The following NOTCH4 variants were observed in gnomAD, a reference collection of about 807,000 sequenced individuals.
NOTCH4 encodes neurogenic locus notch homolog protein 4.
NOTCH4 carries 138 observed loss-of-function variants against 189.0 expected under a neutral mutation model. That is an observed-to-expected ratio of 0.73 (90% confidence interval 0.64 to 0.84). The LOEUF (loss-of-function observed/expected upper bound fraction) is 0.84. Ranked by LOEUF, NOTCH4 falls within the 40% of genes least tolerant of loss-of-function variation. NOTCH4 has a pLI of 0.00. For synonymous variants in NOTCH4, 942 were observed against 1,032.8 expected (o/e 0.91, Z 1.69); for missense variants, 2,286 against 2,605.4 (o/e 0.88, Z 2.67).
At position 32,204,396 on chromosome 6, in the gene NOTCH4, A is replaced by G; in HGVS notation, c.2866-7T>C. ...CATCGTAGCCTGGGGCACACTGCAG[A>G]CAAAGAGGATTAGACAGGGAACCAG... is the stretch of plus-strand genomic sequence containing the variant. On this transcript the variant is annotated splice_polypyrimidine_tract_variant and splice_region_variant and intron_variant, in intron 18 of 29. Transcript: ENST00000375023. 6.2e-7 allele frequency: 1 copy of G among 1,612,372 alleles called. No individual in the cohort carries two copies. The highest frequency in any genetic ancestry group is 8.5e-7 in the Non-Finnish European group (1 of 1,179,486).
chr6:32,219,078 G>A (rs941591673), intron 8 of NOTCH4, among the ~76,000 whole-genome samples: 2 of 152,134 alleles, frequency 1.3e-5, no homozygotes, highest in Non-Finnish European at 1.5e-5. Context: ...TCCCTGGGGC[G>A]ACTTTTCCCC....
rs535575989 is a variant in NOTCH4 at position 32,199,062 on chromosome 6, C to T, written c.4399G>A (p.Val1467Ile). 25 of 1,612,778 alleles carry T rather than the reference C, an allele frequency of 1.6e-5. No homozygotes were observed. In the African/African-American group the frequency reaches 1.7e-4, roughly 11 times the overall value. The change falls in exon 24 of 30, where the codon GTC becomes ATC. Residue 1467 changes from valine (V) to isoleucine (I), a missense_variant. Physicochemically the swap from Val to Ile is conservative, Grantham distance 29 (BLOSUM62 3). This residue lies in a region of NOTCH4 where 1,903 missense variants were observed against 2,261.9 expected (regional missense o/e 0.84). Transcript: ENST00000375023. The surrounding 1 kb of genome is among the most constrained non-coding windows in gnomAD (Gnocchi z 4.9). ...CGTCGACGCCGGATGAGCTGGAGGA[C>T]GAGAAGAGCCCCTAGGGCCAGGAGA... ...VILLALGALL[V>I]LQLIRRRRRE...
rs1789779212 is a variant in NOTCH4 at position 32,221,492 on chromosome 6, G to A, written c.452-167C>T. Among the ~76,000 whole-genome samples, 1 of 152,180 alleles carries A rather than the reference G, an allele frequency of 6.6e-6. No individual in the cohort carries two copies. Among genetic ancestry groups the A allele is most frequent in the African/African-American group, 2.4e-5 (1 of 41,426 alleles). ...TTCCATCACCCCTGCTCTGAGCGATGTCATGGCTTGGGAGGGTTTATCTGG... is the reference window on the plus strand; with the variant it reads ...TTCCATCACCCCTGCTCTGAGCGATATCATGGCTTGGGAGGGTTTATCTGG... On this transcript the variant is annotated intron_variant, in intron 3 of 29. Transcript: ENST00000375023. This position sits in a 1 kb window ranked among gnomAD's most constrained non-coding sequence, Gnocchi z 4.3.
Position 32,220,576 on chromosome 6 carries a change from C to A in NOTCH4, c.988G>T (p.Gly330Cys), listed in dbSNP as rs2127487704. The A allele has an allele frequency of 1.9e-6, 3 of 1,614,010 alleles. No individual in the cohort carries two copies. Among genetic ancestry groups the A allele is most frequent in the Non-Finnish European group, 1.7e-6 (2 of 1,180,018 alleles). ...TQGPPHCRNG[G>C]TCQNSAGSFH... ...CTACCAGCAGAGTTCTGGCAGGTGC[C>A]CCCGTTTCTGCAGTGAGGGGGACCC... The change falls in exon 6 of 30, where the codon GGC becomes TGC. Residue 330 changes from glycine (G) to cysteine (C), a missense_variant. Gly to Cys is a radical substitution (Grantham distance 159). Coordinates refer to ENST00000375023, the MANE Select transcript of NOTCH4 (RefSeq NM_004557.4).
At position 32,221,305 on chromosome 6, in the gene NOTCH4, C is replaced by T. The variant is rs770196198; in HGVS notation, c.472G>A (p.Asp158Asn). 20 of 1,612,378 alleles carry T rather than the reference C, an allele frequency of 1.2e-5. No individual in the cohort carries two copies. In the South Asian group the frequency reaches 2.0e-4, roughly 16 times the overall value. The change falls in exon 4 of 30, where the codon GAC (aspartate) becomes AAC (asparagine). Residue 158 changes from aspartate (D) to asparagine (N), a missense_variant. This residue lies in a region of NOTCH4 where 1,903 missense variants were observed against 2,261.9 expected (regional missense o/e 0.84). Transcript: ENST00000375023. The surrounding 1 kb of genome is among the most constrained non-coding windows in gnomAD (Gnocchi z 4.3). ...GWTGEQCQLR[D>N]FCSANPCVNG... is the part of the protein sequence containing the mutation. ...ACACATGGGTTGGCTGAACAGAAGT[C>T]CCGAAGCTGGCACTGCTCACCTGAG...
At position 32,217,251 on chromosome 6, in the gene NOTCH4, C is replaced by T. The variant is rs140082058; in HGVS notation, c.1640G>A (p.Arg547Gln). 10 of 1,612,474 alleles carry T rather than the reference C, an allele frequency of 6.2e-6. No individual in the cohort carries two copies. The highest frequency in any genetic ancestry group is 1.6e-4 in the Middle Eastern group (1 of 6,068). Residue 547 changes from arginine (R) to glutamine (Q), a missense_variant, in exon 10 of 30, where the codon CGA (arginine) becomes CAA (glutamine). Arg to Gln is a conservative substitution (Grantham distance 43, BLOSUM62 1). This residue lies in a region of NOTCH4 where 1,903 missense variants were observed against 2,261.9 expected (regional missense o/e 0.84). Coordinates refer to ENST00000375023, the MANE Select transcript of NOTCH4 (RefSeq NM_004557.4). The surrounding 1 kb of genome is among the most constrained non-coding windows in gnomAD (Gnocchi z 4.2). ...CICLPGFSGT[R>Q]CEEDIDECRS... ...GCACTCATCGATATCCTCCTCACAT[C>T]GGGTGCCGGAGAATCCTGGTGGGGC...
rs202036052 is a variant in NOTCH4, at chr6:32,200,171, A to G, written c.4315+660T>C. On this transcript the variant is annotated intron_variant, in intron 23 of 29. Transcript: ENST00000375023. The surrounding 1 kb of genome is among the most constrained non-coding windows in gnomAD (Gnocchi z 5.0). ...AGGATTAAATGAGGTAACAATGTAA[A>G]ATGCTTAGAGTAAGGCACAAAGTAC... Among the ~76,000 whole-genome samples the G allele has an allele frequency of 1.3e-5, 2 of 152,224 alleles. No individual in the cohort carries two copies. Among genetic ancestry groups the G allele is most frequent in the East Asian group, 3.9e-4 (2 of 5,192 alleles).
At chr6:32,208,513 A>T (rs1788831629) in intron 18 of NOTCH4, among the ~76,000 whole-genome samples, 1 of 152,194 alleles carries the variant, frequency 6.6e-6, no homozygotes, top group Non-Finnish European at 1.5e-5. Context: ...CGGGAAGATC[A>T]TTTGAGGTCA....
At chr6:32,196,497 C>A in intron 28 of NOTCH4, 76 bp from the exon 29 acceptor site, 2 of 1,560,774 alleles carry the variant, frequency 1.3e-6, no homozygotes, top group Admixed American at 1.8e-5. Context: ...CGGGTTCTGG[C>A]CTTGGGGGAA....
Position 32,223,877 on chromosome 6 carries a change from C to T in NOTCH4, c.52G>A (p.Val18Ile). 1 of 1,585,308 alleles carries T rather than the reference C, an allele frequency of 6.3e-7. No homozygotes were observed. Among genetic ancestry groups the T allele is most frequent in the Non-Finnish European group, 8.5e-7 (1 of 1,172,066 alleles). ...TCACCTCTGGGTCTGACCACTGAGA[C>T]ACATAGCAGCAGCAGCAGCAGCAGC... Reference protein sequence around the residue: ...LLLLLLLLLCVSVVRPRGLLC... With the variant: ...LLLLLLLLLCISVVRPRGLLC... Residue 18 changes from valine (V) to isoleucine (I), a missense_variant, in exon 1 of 30, where the codon GTC becomes ATC. Physicochemically the swap from Val to Ile is conservative, Grantham distance 29 (BLOSUM62 3). Coordinates refer to ENST00000375023, the MANE Select transcript of NOTCH4 (RefSeq NM_004557.4).
chr6:32,205,547 C>CAAA (rs9281672), intron 18 of NOTCH4, among the ~76,000 whole-genome samples: 1,954 of 51,918 alleles, frequency 0.038, 308 homozygotes, highest in East Asian at 0.097. Flanking sequence ...GATGCTGTCT[C>CAAA]AAAAAAAAAA....
intron 8 of NOTCH4, 59 bp from the exon 9 acceptor site, chr6:32,218,167 G>A: frequency 8.8e-7 from 1 of 1,140,328 alleles, no homozygotes; most frequent in Non-Finnish European, 1.3e-6. Flanking sequence ...GGAGACCTGT[G>A]TTCTAGAATC....
rs144043459 is a variant in NOTCH4, at chr6:32,220,233, T to C, written c.1211A>G (p.Asp404Gly). The C allele has an allele frequency of 2.5e-6, 4 of 1,613,496 alleles. No individual in the cohort carries two copies. Among genetic ancestry groups the C allele is most frequent in the Non-Finnish European group, 3.4e-6 (4 of 1,179,836 alleles). Residue 404 changes from aspartate to glycine, a missense_variant, in exon 7 of 30, where the codon GAT becomes GGT. Physicochemically the swap from Asp to Gly is moderately conservative, Grantham distance 94. Coordinates refer to ENST00000375023, the MANE Select transcript of NOTCH4 (RefSeq NM_004557.4). Reference sequence around the variant, plus strand: ...GAGGGGGTTGGTGCTGCATTGGGCATCCCCATGGCACGGCTGGCTCAGACA... The same window carrying C: ...GAGGGGGTTGGTGCTGCATTGGGCACCCCCATGGCACGGCTGGCTCAGACA... ...DMCLSQPCHG[D>G]AQCSTNPLTG...
In NOTCH4 at chr6:32,220,177, C is replaced by G; in HGVS notation, c.1267G>C (p.Gly423Arg). Residue 423 changes from glycine to arginine, a missense_variant, in exon 7 of 30, where the codon GGC becomes CGC. Around this residue, in one of 2 missense-constraint regions of NOTCH4, gnomAD observed 1,903 missense variants for 2,261.9 expected, o/e 0.84. Coordinates refer to ENST00000375023, the MANE Select transcript of NOTCH4 (RefSeq NM_004557.4). ...TGSTLCLCQP[G>R]YSGPTCHQDL... ...TGGTGGCAGGTGGGCCCCGAATAGC[C>G]AGGCTGACACAGGCAGAGTGTGGAG... 1 of 1,613,894 alleles carries G rather than the reference C, an allele frequency of 6.2e-7. No homozygotes were observed. Among genetic ancestry groups the G allele is most frequent in the Admixed American group, 1.7e-5 (1 of 59,964 alleles).
chr6:32,222,001 T>C (rs1789808077), intron 3 of NOTCH4, among the ~76,000 whole-genome samples: 1 of 152,120 alleles, frequency 6.6e-6, no homozygotes, highest in Admixed American at 6.5e-5. Context: ...GCCCCTAGAA[T>C]GAAGCACTAA....
At position 32,195,275 on chromosome 6, in the gene NOTCH4, C is replaced by T. The variant is rs766307189; in HGVS notation, c.*162G>A. 6 of 674,494 alleles carry T rather than the reference C, an allele frequency of 8.9e-6. No homozygotes were observed. Among genetic ancestry groups the T allele is most frequent in the Non-Finnish European group, 1.5e-5 (6 of 413,586 alleles). 41.8% of individuals were successfully genotyped at this position (674,494 alleles called of 1,614,324 possible). A position where few individuals can be genotyped will look rare whatever the true frequency, so the allele number is the denominator to read the frequency against. On this transcript the variant is annotated 3_prime_UTR_variant, in exon 30 of 30. Transcript: ENST00000375023. This position sits in a 1 kb window ranked among gnomAD's most constrained non-coding sequence, Gnocchi z 5.4. ...CCTCTTTCCAGAGCTGCAGCTTCTC[C>T]ACGTGGAAGATGTCTGCTCTGGTGG... is the stretch of plus-strand genomic sequence containing the variant.
In NOTCH4 at chr6:32,199,111, CAG is replaced by C; in HGVS notation, c.4348_4349del (p.Leu1450ValfsTer71). Reference sequence around the variant, plus strand: ...GAATCACCCCGGCCACTGGGGAGCACAGCACAGGCCAGGGAAGCTGGTTGGCA... The same window carrying C: ...GAATCACCCCGGCCACTGGGGAGCACCACAGGCCAGGGAAGCTGGTTGGCA... ...PPANQLPWPVLCSPVAGVILL... is the reference protein window; with the variant it reads ...PPANQLPWPVXCSPVAGVILL... On this transcript the variant is annotated frameshift_variant, in exon 24 of 30. Coordinates refer to ENST00000375023, the MANE Select transcript of NOTCH4 (RefSeq NM_004557.4). LOFTEE classifies it high-confidence loss of function. The surrounding 1 kb of genome is among the most constrained non-coding windows in gnomAD (Gnocchi z 4.9). The C allele has an allele frequency of 6.2e-7, 1 of 1,609,480 alleles. No individual in the cohort carries two copies. The highest frequency in any genetic ancestry group is 8.5e-7 in the Non-Finnish European group (1 of 1,178,604).
Position 32,215,453 on chromosome 6 carries a change from C to A in NOTCH4, c.1862-68G>T, listed in dbSNP as rs1789343238. Reference sequence around the variant, plus strand: ...ATCCTTCATTGGGCCAAAGCCACATCCTTCATTGGGCCAAAGCCACTTCTT... The same window carrying A: ...ATCCTTCATTGGGCCAAAGCCACATACTTCATTGGGCCAAAGCCACTTCTT... On this transcript the variant is annotated intron_variant, in intron 11 of 29. Coordinates refer to ENST00000375023, the MANE Select transcript of NOTCH4 (RefSeq NM_004557.4). 4 of 1,473,636 alleles carry A rather than the reference C, an allele frequency of 2.7e-6. No homozygotes were observed. The East Asian group carries it at 9.5e-5, about 35-fold the overall frequency. 91.3% of individuals were successfully genotyped at this position (1,473,636 alleles called of 1,614,324 possible). A position where few individuals can be genotyped will look rare whatever the true frequency, so the allele number is the denominator to read the frequency against.
At chr6:32,219,245 G>T (rs1789598562) in intron 8 of NOTCH4, among the ~76,000 whole-genome samples, 1 of 152,260 alleles carries the variant, frequency 6.6e-6, no homozygotes, top group South Asian at 2.1e-4. Flanking sequence ...ATTCTGGGTT[G>T]ACCTGAGCAA....
Sources: gnomAD v4.1 joint callset for allele counts (sites outside exome capture counted in the v4.1 genomes callset) on GRCh38, gnomAD v4.1.1 for gene constraint, gnomAD v4.1.1 regional missense constraint, Gnocchi (gnomAD v3.1) non-coding constraint, MANE v1.5 for transcripts, NCBI Gene and HGNC (gene_info 2026-07-23, HGNC 2026-07-21) for gene names.